Variants in RNGTT observed in about 807,000 individuals in gnomAD.
RNGTT encodes mRNA-capping enzyme.
In RNGTT, 33 loss-of-function variants were observed where a neutral mutation model predicts 79.3. The observed-to-expected ratio is 0.42, with a 90% CI of 0.32 to 0.56. The LOEUF is 0.56. Ranked by LOEUF, RNGTT falls within the 20% of genes least tolerant of loss-of-function variation. The pLI is 0.17. For synonymous variants in RNGTT, 222 were observed against 235.9 expected (o/e 0.94, Z 0.54); for missense variants, 497 against 739.1 (o/e 0.67, Z 3.80).
intron 14 of RNGTT, among the ~76,000 whole-genome samples, chr6:88,643,752 A>T (rs1370212595): frequency 6.6e-6 from 1 of 152,204 alleles, no homozygotes; most frequent in Non-Finnish European, 1.5e-5. Flanking sequence ...CTGAATGACT[A>T]CTGGGTACAT....
At chr6:88,840,836 C>T (rs1312538400) in intron 11 of RNGTT, among the ~76,000 whole-genome samples, 1 of 152,054 alleles carries the variant, frequency 6.6e-6, no homozygotes, top group Non-Finnish European at 1.5e-5. Context: ...GTTTCAAATC[C>T]CTAAAAAATA....
At chr6:88,869,523 A>G (rs903290477) in intron 8 of RNGTT, among the ~76,000 whole-genome samples, 1 of 152,148 alleles carries the variant, frequency 6.6e-6, no homozygotes, top group Admixed American at 6.5e-5. Context: ...CAGGGGAATC[A>G]GAATGACTTG....
chr6:88,958,421 G>C (rs1785504461), intron 1 of RNGTT, among the ~76,000 whole-genome samples: 2 of 152,170 alleles, frequency 1.3e-5, no homozygotes. Context: ...ATAATCAGCA[G>C]AGTAAACAGA....
chr6:88,651,593 T>C (rs879595757), intron 14 of RNGTT, among the ~76,000 whole-genome samples: 13 of 152,010 alleles, frequency 8.6e-5, no homozygotes, highest in Non-Finnish European at 1.8e-4. Context: ...ATTAAAGTTA[T>C]AAAATGCTGA....
At chr6:88,758,871 A>AT (rs1778110765) in intron 13 of RNGTT, among the ~76,000 whole-genome samples, 1 of 151,678 alleles carries the variant, frequency 6.6e-6, no homozygotes, top group Non-Finnish European at 1.5e-5. Flanking sequence ...TTTTTGCTGT[A>AT]TTTTATTTAT....
chr6:88,697,194 A>G (rs974800443), intron 13 of RNGTT, among the ~76,000 whole-genome samples: 2 of 152,204 alleles, frequency 1.3e-5, no homozygotes, highest in African/African-American at 2.4e-5. Context: ...AATATAAGTT[A>G]AATTGGTCTT....
At chr6:88,717,924 G>A (rs73754807) in intron 13 of RNGTT, among the ~76,000 whole-genome samples, 1 of 152,072 alleles carries the variant, frequency 6.6e-6, no homozygotes, top group Non-Finnish European at 1.5e-5. Context: ...AAGGCTGAGT[G>A]GGGGAGCCAC....
intron 12 of RNGTT, among the ~76,000 whole-genome samples, chr6:88,795,127 A>C (rs984289725): frequency 6.6e-6 from 1 of 152,208 alleles, no homozygotes; most frequent in Non-Finnish European, 1.5e-5. Context: ...TTTAATGCAA[A>C]TATGTATGTG....
At chr6:88,711,406 A>G (rs1455233188) in intron 13 of RNGTT, among the ~76,000 whole-genome samples, 3 of 152,212 alleles carry the variant, frequency 2.0e-5, no homozygotes, top group African/African-American at 7.2e-5. Context: ...CTGTTCAGTA[A>G]TATTATATAA....
At chr6:88,697,622 T>C (rs1775724013) in intron 13 of RNGTT, among the ~76,000 whole-genome samples, 1 of 151,716 alleles carries the variant, frequency 6.6e-6, no homozygotes, top group African/African-American at 2.4e-5. Context: ...CCCAGCACTT[T>C]GGAGGTCGAA....
At chr6:88,779,804 C>T (rs1174224174) in intron 12 of RNGTT, among the ~76,000 whole-genome samples, 1 of 152,066 alleles carries the variant, frequency 6.6e-6, no homozygotes, top group African/African-American at 2.4e-5. Context: ...ACCAGCCTGG[C>T]CAACATGATG....
At chr6:88,860,381 T>C (rs1218058813) in intron 8 of RNGTT, among the ~76,000 whole-genome samples, 3 of 152,180 alleles carry the variant, frequency 2.0e-5, no homozygotes, top group Non-Finnish European at 4.4e-5. Flanking sequence ...GCCCAGATTT[T>C]CCCTACCCCT....
At position 88,849,635 on chromosome 6, in the gene RNGTT, G is replaced by A. The variant is rs1781604226; in HGVS notation, c.1104+120C>T. 4.9e-6 allele frequency: 4 copies of A among 812,946 alleles called. No homozygotes were observed. The South Asian group carries it at 1.3e-4, about 27-fold the overall frequency. The allele number at this position is 812,946 out of a possible 1,614,324, so 50.4% of individuals were successfully genotyped here. ...AAGGATTAAAAAAAAGATTCCCAGTGAGTAACCTGAGTCACAAATTTTCTT... is the reference window on the plus strand; with the variant it reads ...AAGGATTAAAAAAAAGATTCCCAGTAAGTAACCTGAGTCACAAATTTTCTT... On this transcript the variant is annotated intron_variant, in intron 10 of 15. Coordinates refer to ENST00000369485, the MANE Select transcript of RNGTT (RefSeq NM_003800.5).
intron 4 of RNGTT, among the ~76,000 whole-genome samples, chr6:88,907,731 G>A (rs1783701874): frequency 6.9e-6 from 1 of 144,996 alleles, no homozygotes; most frequent in South Asian, 2.2e-4. Context: ...TATTTAAGCT[G>A]TATCTTTTTT....
intron 6 of RNGTT, among the ~76,000 whole-genome samples, chr6:88,900,427 T>C (rs1199734085): frequency 3.3e-5 from 5 of 152,090 alleles, no homozygotes; most frequent in Admixed American, 1.3e-4. Flanking sequence ...AGGACATTAG[T>C]AAATGCCAAG....
rs752545679 is a variant in RNGTT at position 88,833,466 on chromosome 6, A to G, written c.1269+10891T>C. Among the ~76,000 whole-genome samples the G allele has an allele frequency of 2.0e-5, 3 of 152,160 alleles. No homozygotes were observed. The East Asian group carries it at 5.8e-4, about 29-fold the overall frequency. On this transcript the variant is annotated intron_variant, in intron 11 of 15. Transcript: ENST00000369485. The stretch of plus-strand genomic sequence containing the variant: ...AGGGATAGCATTAGGAGAAATACCT[A>G]ATGTAGATGACGGGTTGATGGGTGC...
At chr6:88,813,837 ATCTG>A (rs372699868) in intron 11 of RNGTT, among the ~76,000 whole-genome samples, 1 of 152,318 alleles carries the variant, frequency 6.6e-6, no homozygotes, top group South Asian at 2.1e-4. Context: ...AGCTTTTCCC[ATCTG>A]TCTGACTACT....
At chr6:88,921,938 C>T (rs547105405) in intron 4 of RNGTT, among the ~76,000 whole-genome samples, 3 of 152,206 alleles carry the variant, frequency 2.0e-5, no homozygotes, top group African/African-American at 7.2e-5. Context: ...TATGCAAATA[C>T]TATGCCATTT....
intron 13 of RNGTT, among the ~76,000 whole-genome samples, chr6:88,713,585 TATAAAGTGC>T (rs1156361620): frequency 6.6e-6 from 1 of 152,214 alleles, no homozygotes; most frequent in East Asian, 1.9e-4. Context: ...TGTATGTATA[TATAAAGTGC>T]AGATATAGAA....
Sources: allele counts gnomAD v4.1 joint callset (sites outside exome capture counted in the v4.1 genomes callset), GRCh38; gene constraint gnomAD v4.1.1; transcripts MANE v1.5; gene names NCBI Gene and HGNC (gene_info 2026-07-23, HGNC 2026-07-21).